DLG2: variants seen among roughly 807,000 people sequenced by gnomAD.
The protein encoded by DLG2 is discs large MAGUK scaffold protein 2.
In DLG2, 45 loss-of-function variants were observed where a neutral mutation model predicts 132.5. The observed-to-expected ratio is 0.34, with a 90% CI of 0.27 to 0.44. The LOEUF (loss-of-function observed/expected upper bound fraction) is 0.44. Ranked by LOEUF, DLG2 falls within the 20% of genes least tolerant of loss-of-function variation. The pLI, the probability that DLG2 is intolerant of heterozygous loss-of-function variation, is 1.00. For synonymous variants in DLG2, 424 were observed against 419.6 expected, an observed-to-expected ratio of 1.01 and a Z score of -0.13; for missense variants, 1,045 against 1,196.9, an observed-to-expected ratio of 0.87 and a Z score of 1.87.
chr11:83,860,359 T>C (rs893598549), intron 16 of DLG2, among the ~76,000 whole-genome samples: 8 of 152,156 alleles, frequency 5.3e-5, no homozygotes, highest in Admixed American at 5.2e-4. Flanking sequence ...CCCAAGACCA[T>C]GGGAACCCAC....
intron 4 of DLG2, among the ~76,000 whole-genome samples, chr11:85,209,977 C>A (rs1042011083): frequency 1.3e-5 from 2 of 152,028 alleles, no homozygotes; most frequent in African/African-American, 4.8e-5. Flanking sequence ...TGAGCTCTCA[C>A]TTTCTTCAGG....
chr11:83,672,266 C>T (rs1364175328), intron 18 of DLG2, among the ~76,000 whole-genome samples: 1 of 152,068 alleles, frequency 6.6e-6, no homozygotes, highest in Non-Finnish European at 1.5e-5. Flanking sequence ...CTCACCGCAA[C>T]CTCTGCCTCC....
chr11:83,996,255 A>G lies in DLG2; in HGVS notation c.920-15613T>C, dbSNP rs376727116. ...ATCATTAATCATCAGAGAACTGCAT[A>G]TCAAAGCTACAATGAAATATCATCT... On this transcript the variant is annotated intron_variant, in intron 11 of 27. Transcript: ENST00000376104. Among the ~76,000 whole-genome samples, 8 of 152,192 alleles carry G rather than the reference A, an allele frequency of 5.3e-5. No individual in the cohort carries two copies. The East Asian group carries it at 1.5e-3, about 29-fold the overall frequency.
chr11:84,544,565 A>G (rs1315408226), intron 6 of DLG2, among the ~76,000 whole-genome samples: 3 of 152,216 alleles, frequency 2.0e-5, no homozygotes, highest in Non-Finnish European at 4.4e-5. Flanking sequence ...CACATAGTGG[A>G]AAGTGCATGA....
intron 14 of DLG2, among the ~76,000 whole-genome samples, chr11:83,944,976 G>A (rs2083465505): frequency 6.6e-6 from 1 of 152,186 alleles, no homozygotes; most frequent in East Asian, 1.9e-4. Flanking sequence ...TTTAGATGGT[G>A]AAGTAGAGGA....
chr11:85,383,515 A>G (rs2086074357), intron 3 of DLG2, among the ~76,000 whole-genome samples: 1 of 152,192 alleles, frequency 6.6e-6, no homozygotes, highest in Non-Finnish European at 1.5e-5. Flanking sequence ...GCCCAGCCCA[A>G]CCACTTTGCA....
chr11:83,895,601 ACAACTAGG>A (rs1264740163), intron 15 of DLG2, among the ~76,000 whole-genome samples: 1 of 152,154 alleles, frequency 6.6e-6, no homozygotes, highest in Non-Finnish European at 1.5e-5. Context: ...ATGATACTTG[ACAACTAGG>A]CAAAACTCCA....
At chr11:84,144,358 A>C (rs2154243120) in intron 9 of DLG2, among the ~76,000 whole-genome samples, 1 of 152,248 alleles carries the variant, frequency 6.6e-6, no homozygotes, top group Admixed American at 6.5e-5. Context: ...AACAGCTTCA[A>C]GCTACTCTTC....
chr11:84,803,077 G>T (rs1383212400), intron 6 of DLG2, among the ~76,000 whole-genome samples: 1 of 152,146 alleles, frequency 6.6e-6, no homozygotes, highest in Non-Finnish European at 1.5e-5. Flanking sequence ...GTGTTTACTG[G>T]CATAAGCCAC....
chr11:85,022,665 CT>C (rs1476121947), intron 6 of DLG2, among the ~76,000 whole-genome samples: 1 of 152,050 alleles, frequency 6.6e-6, no homozygotes, highest in Non-Finnish European at 1.5e-5. Context: ...AGAAGTATTG[CT>C]TATGTCATTG....
intron 18 of DLG2, among the ~76,000 whole-genome samples, chr11:83,633,661 C>T (rs1332205825): frequency 6.6e-6 from 1 of 151,186 alleles, no homozygotes; most frequent in Non-Finnish European, 1.5e-5. Context: ...GTAAAGTATC[C>T]TTGTGGTGAT....
chr11:83,512,497 T>C (rs1234805221), intron 21 of DLG2, among the ~76,000 whole-genome samples: 2 of 152,218 alleles, frequency 1.3e-5, no homozygotes, highest in Non-Finnish European at 2.9e-5. Flanking sequence ...AACTTTATAC[T>C]GTATTTTTAT....
chr11:85,390,302 G>A (rs2086688096), intron 3 of DLG2, among the ~76,000 whole-genome samples: 1 of 151,754 alleles, frequency 6.6e-6, no homozygotes, highest in Non-Finnish European at 1.5e-5. Context: ...CAGGAAAATA[G>A]TACAATTCTA....
chr11:83,479,044 A>G (rs1162126249), intron 22 of DLG2, among the ~76,000 whole-genome samples: 19 of 152,084 alleles, frequency 1.2e-4, no homozygotes, highest in Admixed American at 1.2e-3. Flanking sequence ...AACCTTCTGA[A>G]TTCTTCCATC....
chr11:85,191,965 C>T (rs1195724183), intron 4 of DLG2, among the ~76,000 whole-genome samples: 2 of 152,054 alleles, frequency 1.3e-5, no homozygotes, highest in African/African-American at 2.4e-5. Flanking sequence ...CCTTAAAATA[C>T]CCTATGAAAA....
chr11:84,346,218 CT>C (rs1292683753), intron 7 of DLG2, among the ~76,000 whole-genome samples: 2 of 152,198 alleles, frequency 1.3e-5, no homozygotes, highest in African/African-American at 2.4e-5. Flanking sequence ...TCAAATGGAT[CT>C]GACCATTCCT....
At chr11:84,282,750 T>C (rs979220141) in intron 7 of DLG2, among the ~76,000 whole-genome samples, 24 of 152,150 alleles carry the variant, frequency 1.6e-4, no homozygotes, top group Admixed American at 4.6e-4. Flanking sequence ...GACTTTACCA[T>C]CCAGGACCTT....
intron 7 of DLG2, among the ~76,000 whole-genome samples, chr11:84,388,538 AT>A (rs1403852311): frequency 1.3e-5 from 2 of 152,036 alleles, no homozygotes; most frequent in African/African-American, 4.8e-5. Context: ...TAATTTATAG[AT>A]TCCTAATTTA....
At chr11:84,926,655 G>C (rs891163035) in intron 6 of DLG2, among the ~76,000 whole-genome samples, 4 of 151,656 alleles carry the variant, frequency 2.6e-5, no homozygotes, top group African/African-American at 9.7e-5. Flanking sequence ...AGGAAGGGAT[G>C]CATGACAGTT....
Sources: gnomAD v4.1 joint callset for allele counts (sites outside exome capture counted in the v4.1 genomes callset) on GRCh38, gnomAD v4.1.1 for gene constraint, MANE v1.5 for transcripts, NCBI Gene and HGNC (gene_info 2026-07-23, HGNC 2026-07-21) for gene names.